Variants in MDN1 observed in about 807,000 individuals in gnomAD.
MDN1 encodes midasin AAA ATPase 1.
Under a neutral mutation model 669.2 loss-of-function variants are expected in MDN1, and 266 were observed. The ratio of observed to expected loss-of-function variants is 0.40; its 90% confidence interval spans 0.36 to 0.44. The LOEUF (loss-of-function observed/expected upper bound fraction) is 0.44. Among genes scored for constraint, MDN1 ranks in the 20% least tolerant of loss-of-function variants. The pLI is 1.00. For missense variants in MDN1, 5,940 were observed against 6,754.0 expected, an observed-to-expected ratio of 0.88 and a Z score of 4.22; for synonymous variants, 2,385 against 2,457.1, an observed-to-expected ratio of 0.97 and a Z score of 0.87.
chr6:89,691,132 T>C (rs1181016202), intron 63 of MDN1, among the ~76,000 whole-genome samples: 2 of 152,174 alleles, frequency 1.3e-5, no homozygotes, highest in Non-Finnish European at 2.9e-5. Flanking sequence ...AAAGGTGCTT[T>C]GTAACAAGGA....
chr6:89,644,146 C>A lies in MDN1; in HGVS notation c.16650G>T (p.Glu5550Asp), dbSNP rs1201062031. The A allele has an allele frequency of 6.2e-7, 1 of 1,613,696 alleles. No homozygotes were observed. The highest frequency in any genetic ancestry group is 2.2e-5 in the East Asian group (1 of 44,874). Residue 5550 changes from glutamate (E) to aspartate (D), a missense_variant, in exon 102 of 102, where the codon GAG (glutamate) becomes GAT (aspartate). Coordinates refer to ENST00000369393, the MANE Select transcript of MDN1 (RefSeq NM_014611.3). The stretch of plus-strand genomic sequence containing the variant: ...CCATGTAGGATCGGATTTCAGGCAT[C>A]TCTCCAGGTCCTTTAAATATCGGTA... ...IKVPIFKGPG[E>D]MPEIRSYMEE...
chr6:89,678,489 G>T, intron 75 of MDN1, 110 bp downstream of exon 75: 1 of 1,309,260 alleles, frequency 7.6e-7, no homozygotes, highest in Non-Finnish European at 1.1e-6. Context: ...TGTACCTTCT[G>T]TTGTCCACCA....
Position 89,700,279 on chromosome 6 carries a change from A to G in MDN1, c.8654T>C (p.Phe2885Ser), listed in dbSNP as rs983064300. 1.9e-6 allele frequency: 3 copies of G among 1,613,946 alleles called. No homozygotes were observed. The highest frequency in any genetic ancestry group is 2.7e-5 in the African/African-American group (2 of 74,920). Reference sequence around the variant, plus strand: ...CAGTTCTAAACACTGAGCATGCACAAAATTCTTCAATTCATCTGGACAAAA... The same window carrying G: ...CAGTTCTAAACACTGAGCATGCACAGAATTCTTCAATTCATCTGGACAAAA... ...EDVSLDELKN[F>S]VHAQCLELKA... The change falls in exon 57 of 102, where the codon TTT (phenylalanine) becomes TCT (serine). Residue 2885 changes from phenylalanine to serine, a missense_variant. By Grantham distance (155) the Phe-to-Ser change is radical. Transcript: ENST00000369393.
In MDN1 at chr6:89,658,321, G is replaced by A; in HGVS notation, c.15071C>T (p.Ala5024Val). Residue 5024 changes from alanine to valine, a missense_variant, in exon 90 of 102, where the codon GCT (alanine) becomes GTT (valine). By Grantham distance (64) the Ala-to-Val change is moderately conservative (BLOSUM62 0). Around this residue, in one of 5 missense-constraint regions of MDN1, gnomAD observed 2,280 missense variants for 2,576.3 expected, o/e 0.88. Coordinates refer to ENST00000369393, the MANE Select transcript of MDN1 (RefSeq NM_014611.3). ...GGAGGCATGCTCCTTCCTCTCCAAAGCCTCTGGCACCTGCTCCTCTGTATC... is the reference window on the plus strand; with the variant it reads ...GGAGGCATGCTCCTTCCTCTCCAAAACCTCTGGCACCTGCTCCTCTGTATC... The part of the protein sequence containing the change: ...DSDTEEQVPE[A>V]LERKEHASCG... The A allele has an allele frequency of 6.2e-7, 1 of 1,614,142 alleles. No homozygotes were observed. Among genetic ancestry groups the A allele is most frequent in the Non-Finnish European group, 8.5e-7 (1 of 1,180,030 alleles).
intron 9 of MDN1, among the ~76,000 whole-genome samples, chr6:89,784,011 G>A (rs1230085319): frequency 6.6e-6 from 1 of 151,672 alleles, no homozygotes; most frequent in Admixed American, 6.6e-5. Context: ...GAAAATGTAG[G>A]AAAAAATATT....
At chr6:89,696,732 T>C (rs1313669815) in intron 59 of MDN1, among the ~76,000 whole-genome samples, 158 bp from the exon 60 acceptor site, 6 of 152,148 alleles carry the variant, frequency 3.9e-5, no homozygotes, top group African/African-American at 9.7e-5. Flanking sequence ...CAGGTTAGTA[T>C]ACCTTAAATG....
chr6:89,693,161 T>C lies in MDN1; in HGVS notation c.9882-13A>G. On this transcript the variant is annotated splice_polypyrimidine_tract_variant and intron_variant, in intron 62 of 101. Coordinates refer to ENST00000369393, the MANE Select transcript of MDN1 (RefSeq NM_014611.3). ...TTGGCGAAGCAGCCTAACGGGAAAT[T>C]AACACAATATGCCAATTATGTCAGA... 1 of 1,536,692 alleles carries C rather than the reference T, an allele frequency of 6.5e-7. No individual in the cohort carries two copies. The highest frequency in any genetic ancestry group is 8.8e-7 in the Non-Finnish European group (1 of 1,134,466).
chr6:89,661,351 G>A (rs1048664395), intron 88 of MDN1, 80 bp downstream of exon 88: 14 of 1,496,984 alleles, frequency 9.4e-6, no homozygotes, highest in East Asian at 6.9e-5. Context: ...CCATGACACT[G>A]AGCTAGCTTT....
intron 72 of MDN1, 40 bp downstream of exon 72, chr6:89,683,791 A>T (rs750370140): frequency 1.1e-5 from 17 of 1,499,052 alleles, no homozygotes; most frequent in Admixed American, 1.7e-5. Context: ...ACAAAATTCT[A>T]TTCTATTTTG....
At chr6:89,751,075 C>A (rs1292086493) in intron 23 of MDN1, among the ~76,000 whole-genome samples, 1 of 151,630 alleles carries the variant, frequency 6.6e-6, no homozygotes, top group Non-Finnish European at 1.5e-5. Context: ...AAACATTATT[C>A]CTCAAAAAAT....
At chr6:89,753,388 A>C (rs1817053843) in intron 22 of MDN1, 124 bp downstream of exon 22, 1 of 697,654 alleles carries the variant, frequency 1.4e-6, no homozygotes, top group Non-Finnish European at 2.4e-6. Flanking sequence ...GTAATGTTTA[A>C]ACTTTTTGCA....
chr6:89,684,022 G>T, intron 71 of MDN1, 118 bp from the exon 72 acceptor site: 4 of 748,934 alleles, frequency 5.3e-6, no homozygotes, highest in Non-Finnish European at 9.0e-6. Context: ...AGGACTGTGT[G>T]TCAGTGAACA....
At chr6:89,748,059 G>A (rs560117583) in intron 26 of MDN1, among the ~76,000 whole-genome samples, 2 of 151,796 alleles carry the variant, frequency 1.3e-5, no homozygotes, top group East Asian at 2.0e-4. Context: ...GGGCGCAGTG[G>A]CTCACACCTG....
chr6:89,752,280 G>A (rs1816997090), intron 22 of MDN1, among the ~76,000 whole-genome samples: 1 of 152,110 alleles, frequency 6.6e-6, no homozygotes, highest in Non-Finnish European at 1.5e-5. Flanking sequence ...ATCTTTTTAA[G>A]TTTCTATCAC....
Position 89,714,709 on chromosome 6 carries a change from T to G in MDN1, c.6903A>C (p.Arg2301=). 1.2e-6 allele frequency: 2 copies of G among 1,614,012 alleles called. No individual in the cohort carries two copies. The highest frequency in any genetic ancestry group is 2.2e-5 in the South Asian group (2 of 91,066). Residue 2301 remains arginine, a synonymous_variant, in exon 46 of 102, where the codon CGA becomes CGC. Transcript: ENST00000369393. The part of the protein sequence containing the change: ...SMDPVHGDIS[R]AMRNRGLEIY... ...TTTCAAGTCCACGATTCCTCATAGC[T>G]CGGGATATATCTCCATGAACAGGAT...
At chr6:89,767,690 G>A (rs917920859) in intron 15 of MDN1, among the ~76,000 whole-genome samples, 3 of 151,994 alleles carry the variant, frequency 2.0e-5, no homozygotes, top group Admixed American at 6.6e-5. Flanking sequence ...AAGGAGGCAG[G>A]CGTTGTAGTG....
intron 9 of MDN1, 103 bp from the exon 10 acceptor site, chr6:89,781,695 T>G: frequency 1.9e-5 from 20 of 1,054,538 alleles, no homozygotes; most frequent in Non-Finnish European, 2.6e-5. Context: ...TGTATTTCTC[T>G]ATGAAATTTG....
At chr6:89,816,716 C>G (rs1459473339) in intron 1 of MDN1, among the ~76,000 whole-genome samples, 5 of 145,982 alleles carry the variant, frequency 3.4e-5, no homozygotes, top group Non-Finnish European at 6.0e-5. Flanking sequence ...GCTCTGTCAC[C>G]CACGCTGGAG....
At chr6:89,693,187 A>G (rs1404452637) in intron 62 of MDN1, 39 bp from the exon 63 acceptor site, 1 of 1,421,508 alleles carries the variant, frequency 7.0e-7, no homozygotes, top group Non-Finnish European at 9.6e-7. Context: ...TTATGTCAGA[A>G]GAAGAGCAGC....
Sources: gnomAD v4.1 joint callset for allele counts (sites outside exome capture counted in the v4.1 genomes callset) on GRCh38, gnomAD v4.1.1 for gene constraint, gnomAD v4.1.1 regional missense constraint, MANE v1.5 for transcripts, NCBI Gene and HGNC (gene_info 2026-07-23, HGNC 2026-07-21) for gene names.